TGS1: variants seen among roughly 807,000 people sequenced by gnomAD.
TGS1 encodes the protein trimethylguanosine synthase.
Under a neutral mutation model 92.2 loss-of-function variants are expected in TGS1, and 69 were observed. The observed-to-expected ratio is 0.75, with a 90% CI of 0.62 to 0.91. The LOEUF is 0.91. TGS1 is among the 40% of genes least tolerant of loss of function. TGS1 has a pLI of 0.00. For missense variants in TGS1, 1,062 were observed against 1,001.2 expected (o/e 1.06, Z -0.82); for synonymous variants, 345 against 338.1 (o/e 1.02, Z -0.22).
At chr8:55,787,905 G>A (rs534222922) in intron 4 of TGS1, among the ~76,000 whole-genome samples, 3 of 152,208 alleles carry the variant, frequency 2.0e-5, no homozygotes, top group African/African-American at 7.2e-5. Flanking sequence ...AAGAGAGAGG[G>A]GGGAGGTCCC....
chr8:55,818,243 T>A (rs550517619), intron 12 of TGS1, among the ~76,000 whole-genome samples: 112 of 152,296 alleles, frequency 7.4e-4, no homozygotes, highest in African/African-American at 2.3e-3. Flanking sequence ...AGTGGTGTGA[T>A]CACTGCTCTC....
chr8:55,783,090 G>A (rs897659072), intron 2 of TGS1, among the ~76,000 whole-genome samples: 2 of 152,052 alleles, frequency 1.3e-5, no homozygotes, highest in Non-Finnish European at 2.9e-5. Context: ...TTAGATAAGA[G>A]CAACCTGGAA....
intron 12 of TGS1, among the ~76,000 whole-genome samples, chr8:55,814,680 T>C (rs1262552388): frequency 1.4e-5 from 2 of 139,736 alleles, no homozygotes; most frequent in Non-Finnish European, 3.1e-5. Flanking sequence ...AAAAAATATA[T>C]ATATATATAT....
chr8:55,793,197 A>G (rs965309048), intron 6 of TGS1, among the ~76,000 whole-genome samples: 1 of 152,276 alleles, frequency 6.6e-6, no homozygotes, highest in African/African-American at 2.4e-5. Context: ...ATGAAAGAGT[A>G]AAATTAAAAC....
rs779349709 is a variant in TGS1 at position 55,804,943 on chromosome 8, C to T, written c.2050C>T (p.Arg684Cys). 3.7e-6 allele frequency: 6 copies of T among 1,613,690 alleles called. No individual in the cohort carries two copies. The highest frequency in any genetic ancestry group is 1.3e-5 in the African/African-American group (1 of 74,870). The change falls in exon 10 of 13, where the codon CGT becomes TGT. Residue 684 changes from arginine (R) to cysteine (C), a missense_variant. By Grantham distance (180) the Arg-to-Cys change is radical. Transcript: ENST00000260129. ...GAAGATTGCTGAACACATTGCTGGCCGTGTTAGTCAGTCCTTCAAGTGTGA... is the reference window on the plus strand; with the variant it reads ...GAAGATTGCTGAACACATTGCTGGCTGTGTTAGTCAGTCCTTCAAGTGTGA... ...PEKIAEHIAGRVSQSFKCDVV... is the reference protein window; with the variant it reads ...PEKIAEHIAGCVSQSFKCDVV...
At chr8:55,783,419 C>T (rs964687536) in intron 2 of TGS1, among the ~76,000 whole-genome samples, 2 of 152,024 alleles carry the variant, frequency 1.3e-5, no homozygotes, top group Admixed American at 6.6e-5. Flanking sequence ...ACTCCATCTC[C>T]AATTTAGAAT....
At chr8:55,812,114 G>A (rs1430323855) in intron 11 of TGS1, among the ~76,000 whole-genome samples, 1 of 152,108 alleles carries the variant, frequency 6.6e-6, no homozygotes, top group Non-Finnish European at 1.5e-5. Context: ...CCAAGACGTC[G>A]AAGCAAACCC....
Position 55,785,699 on chromosome 8 carries a change from C to A in TGS1, c.167-20C>A. Reference sequence around the variant, plus strand: ...CTCTTAAGTTTTCCTTAAAACTAAGCTAATAAATGGTGTCTATAGGAGACC... The same window carrying A: ...CTCTTAAGTTTTCCTTAAAACTAAGATAATAAATGGTGTCTATAGGAGACC... On this transcript the variant is annotated intron_variant, in intron 2 of 12. Coordinates refer to ENST00000260129, the MANE Select transcript of TGS1 (RefSeq NM_024831.8). 1 of 1,493,190 alleles carries A rather than the reference C, an allele frequency of 6.7e-7. No individual in the cohort carries two copies. The highest frequency in any genetic ancestry group is 8.9e-7 in the Non-Finnish European group (1 of 1,117,818). The allele number at this position is 1,493,190 out of a possible 1,614,324, so 92.5% of individuals were successfully genotyped here.
chr8:55,781,218 G>C (rs952695828), intron 1 of TGS1, among the ~76,000 whole-genome samples: 1 of 152,100 alleles, frequency 6.6e-6, no homozygotes, highest in African/African-American at 2.4e-5. Flanking sequence ...TATGTCTGCT[G>C]TGTATATAAA....
chr8:55,817,688 C>T (rs57470410), intron 12 of TGS1, among the ~76,000 whole-genome samples: 9,128 of 152,012 alleles, frequency 0.06, 314 homozygotes, highest in African/African-American at 0.092. Flanking sequence ...GTAGCTCTCT[C>T]GTAGAGGTAG....
chr8:55,814,674 A>ATAT (rs1554564802), intron 12 of TGS1, among the ~76,000 whole-genome samples: 2,561 of 123,122 alleles, frequency 0.021, 25 homozygotes, highest in Non-Finnish European at 0.026. Context: ...AAAAAAAAAA[A>ATAT]ATATATATAT....
intron 1 of TGS1, among the ~76,000 whole-genome samples, chr8:55,776,630 T>C (rs1811410035): frequency 6.6e-6 from 1 of 152,202 alleles, no homozygotes; most frequent in Non-Finnish European, 1.5e-5. Flanking sequence ...GATCAGTAAC[T>C]ACCAGGCCCA....
At chr8:55,805,126 T>G in intron 10 of TGS1, 90 bp downstream of exon 10, 2 of 898,876 alleles carry the variant, frequency 2.2e-6, no homozygotes, top group Non-Finnish European at 3.2e-6. Flanking sequence ...TACTGAGATT[T>G]AATATATAAT....
intron 12 of TGS1, among the ~76,000 whole-genome samples, chr8:55,817,789 G>C (rs1803524696): frequency 6.6e-6 from 1 of 152,198 alleles, no homozygotes; most frequent in Non-Finnish European, 1.5e-5. Context: ...TGTTGGAATA[G>C]TAGACTCCAA....
chr8:55,802,014 G>T (rs1266696128), intron 8 of TGS1, among the ~76,000 whole-genome samples: 1 of 152,120 alleles, frequency 6.6e-6, no homozygotes, highest in Non-Finnish European at 1.5e-5. Flanking sequence ...CTAACACGGT[G>T]AAACCCCGTC....
At chr8:55,776,298 T>G (rs1220377024) in intron 1 of TGS1, among the ~76,000 whole-genome samples, 1 of 148,282 alleles carries the variant, frequency 6.7e-6, no homozygotes, top group Admixed American at 6.7e-5. Context: ...TTTTTTTTTT[T>G]GAGACAGAGT....
intron 6 of TGS1, among the ~76,000 whole-genome samples, chr8:55,795,579 A>C (rs536917370): frequency 7.9e-5 from 12 of 152,188 alleles, no homozygotes; most frequent in African/African-American, 2.9e-4. Context: ...AGATAATTCA[A>C]ATGTATCCAG....
chr8:55,789,197 C>G (rs926360487), intron 4 of TGS1, among the ~76,000 whole-genome samples: 2 of 152,166 alleles, frequency 1.3e-5, no homozygotes, highest in African/African-American at 4.8e-5. Context: ...ACTGTCTACC[C>G]TGCAGACATC....
chr8:55,792,660 G>A (rs965112434), intron 5 of TGS1, 38 bp from the exon 6 acceptor site: 2 of 1,444,420 alleles, frequency 1.4e-6, no homozygotes, highest in Non-Finnish European at 1.9e-6. Flanking sequence ...GGGCTCTGGT[G>A]GTAATGGCTT....
Sources: gnomAD v4.1 joint callset for allele counts (sites outside exome capture counted in the v4.1 genomes callset) on GRCh38, gnomAD v4.1.1 for gene constraint, MANE v1.5 for transcripts, NCBI Gene and HGNC (gene_info 2026-07-23, HGNC 2026-07-21) for gene names.